NR2C1: variants seen among roughly 807,000 people sequenced by gnomAD.
NR2C1 encodes the protein nuclear receptor subfamily 2 group C member 1, also known as TR2 nuclear hormone receptor.
NR2C1 carries 33 observed loss-of-function variants against 74.8 expected under a neutral mutation model. The ratio of observed to expected loss-of-function variants is 0.44; its 90% CI spans 0.33 to 0.59. NR2C1 has a LOEUF of 0.59. NR2C1 is among the 20% of genes least tolerant of loss of function. The pLI is 0.02. For missense variants in NR2C1, 568 were observed against 715.6 expected (o/e 0.79, Z 2.35); for synonymous variants, 225 against 240.6 (o/e 0.94, Z 0.60).
Position 95,050,457 on chromosome 12 carries a change from C to T in NR2C1, c.966-1224G>A, listed in dbSNP as rs376929589. On this transcript the variant is annotated intron_variant, in intron 8 of 13. Transcript: ENST00000333003. The stretch of plus-strand genomic sequence containing the variant: ...CCAAGTAGCTGGGATTACAGGCATG[C>T]GCCACCACACCCAGCTAATTTTTTC... Among the ~76,000 whole-genome samples, 138 of 152,014 alleles carry T rather than the reference C, an allele frequency of 9.1e-4. 1 individual carries two copies. Among genetic ancestry groups the T allele is most frequent in the African/African-American group, 2.9e-3 (122 of 41,448 alleles).
intron 10 of NR2C1, among the ~76,000 whole-genome samples, chr12:95,035,498 C>CACAA (rs1339412063): frequency 6.6e-6 from 1 of 152,044 alleles, no homozygotes; most frequent in East Asian, 1.9e-4. Context: ...TGCTATGCAT[C>CACAA]TTGTAGTAAG....
chr12:95,056,419 A>G (rs1381523342), intron 7 of NR2C1, among the ~76,000 whole-genome samples: 4 of 152,184 alleles, frequency 2.6e-5, no homozygotes, highest in Non-Finnish European at 5.9e-5. Context: ...TAAATAAACA[A>G]ACTGTTTTTC....
At chr12:95,052,721 A>G (rs542617406) in intron 7 of NR2C1, among the ~76,000 whole-genome samples, 8 of 151,792 alleles carry the variant, frequency 5.3e-5, no homozygotes, top group Non-Finnish European at 7.4e-5. Flanking sequence ...CCTGAGTACA[A>G]TTTCTAAAAC....
intron 9 of NR2C1, among the ~76,000 whole-genome samples, chr12:95,043,951 A>C (rs1871955523): frequency 7.0e-6 from 1 of 142,136 alleles, no homozygotes; most frequent in South Asian, 2.1e-4. Flanking sequence ...ATGCTCAATA[A>C]AACTCTAGTA....
intron 9 of NR2C1, among the ~76,000 whole-genome samples, chr12:95,041,395 T>C (rs1042312916): frequency 9.2e-5 from 14 of 152,098 alleles, no homozygotes; most frequent in Non-Finnish European, 1.9e-4. Context: ...GGCAGGGGAA[T>C]TGCTTGAACC....
intron 13 of NR2C1, among the ~76,000 whole-genome samples, chr12:95,023,091 A>C (rs1592715992): frequency 6.6e-6 from 1 of 152,154 alleles, no homozygotes. Context: ...CAGGAGTTCG[A>C]GACCAGCCTG....
chr12:95,056,819 T>C (rs998599346), intron 7 of NR2C1, among the ~76,000 whole-genome samples: 13 of 151,516 alleles, frequency 8.6e-5, no homozygotes, highest in African/African-American at 2.4e-4. Flanking sequence ...ATTAGCTGGG[T>C]GTGGTGGCAG....
chr12:95,022,528 A>G, intron 13 of NR2C1, 125 bp from the exon 14 acceptor site: 2 of 830,400 alleles, frequency 2.4e-6, no homozygotes, highest in Non-Finnish European at 3.8e-6. Context: ...AAAAGTTAAA[A>G]TCAAAACTTT....
intron 11 of NR2C1, 132 bp downstream of exon 11, chr12:95,031,213 TTATC>T: frequency 1.4e-6 from 1 of 722,054 alleles, no homozygotes. Context: ...ATTGTAAAAA[TTATC>T]TAAAGTAAGA....
At chr12:95,068,049 T>G (rs1344954336) in intron 1 of NR2C1, among the ~76,000 whole-genome samples, 1 of 152,050 alleles carries the variant, frequency 6.6e-6, no homozygotes, top group Non-Finnish European at 1.5e-5. Context: ...AGCTAATTTT[T>G]TTGTATTTTT....
At chr12:95,069,271 G>C (rs762400045) in intron 1 of NR2C1, among the ~76,000 whole-genome samples, 1 of 152,134 alleles carries the variant, frequency 6.6e-6, no homozygotes, top group Non-Finnish European at 1.5e-5. Context: ...TAAACTATTT[G>C]TTTATCTGAA....
chr12:95,056,219 C>G (rs1323354337), intron 7 of NR2C1, among the ~76,000 whole-genome samples: 1 of 152,074 alleles, frequency 6.6e-6, no homozygotes, highest in African/African-American at 2.4e-5. Flanking sequence ...CAAGCCATTA[C>G]TGTGCCACCA....
At position 95,051,896 on chromosome 12, in the gene NR2C1, T is replaced by G; in HGVS notation, c.831A>C (p.Thr277=). The G allele has an allele frequency of 6.2e-7, 1 of 1,610,070 alleles. No homozygotes were observed. Among genetic ancestry groups the G allele is most frequent in the Non-Finnish European group, 8.5e-7 (1 of 1,179,106 alleles). The part of the protein sequence containing the change: ...GDLSTLANVV[T]SLANLGKTKD... Reference sequence around the variant, plus strand: ...TAGTTTTTCCAAGATTCGCTAATGATGTAACCACATTGGCCAATGTACTTA... The same window carrying G: ...TAGTTTTTCCAAGATTCGCTAATGAGGTAACCACATTGGCCAATGTACTTA... Residue 277 remains threonine (T), a synonymous_variant, in exon 8 of 14, where the codon ACA becomes ACC. Coordinates refer to ENST00000333003, the MANE Select transcript of NR2C1 (RefSeq NM_003297.4).
chr12:95,045,273 T>G (rs1256307181), intron 9 of NR2C1, among the ~76,000 whole-genome samples: 1 of 152,180 alleles, frequency 6.6e-6, no homozygotes, highest in Non-Finnish European at 1.5e-5. Context: ...TGAGAAACCA[T>G]GAGCAGCTGG....
chr12:95,064,506 T>C (rs1364353606), intron 2 of NR2C1, among the ~76,000 whole-genome samples: 1 of 152,096 alleles, frequency 6.6e-6, no homozygotes, highest in Non-Finnish European at 1.5e-5. Flanking sequence ...CTTATTTATA[T>C]ATTATTTATT....
intron 11 of NR2C1, chr12:95,030,351 A>ATAATAAAAACAGATATT (rs1332687255): frequency 1.2e-6 from 1 of 803,412 alleles, no homozygotes; most frequent in African/African-American, 1.8e-5. Context: ...CAAGACTACT[A>ATAATAAAAACAGATATT]TAATAAAAAC....
chr12:95,029,937 T>C (rs1869859561), intron 11 of NR2C1, among the ~76,000 whole-genome samples: 1 of 152,064 alleles, frequency 6.6e-6, no homozygotes, highest in Non-Finnish European at 1.5e-5. Flanking sequence ...GGTGCCATCA[T>C]AGCTCACTGC....
chr12:95,059,750 G>C (rs1874464473), intron 4 of NR2C1, among the ~76,000 whole-genome samples, 156 bp downstream of exon 4: 1 of 151,916 alleles, frequency 6.6e-6, no homozygotes, highest in Non-Finnish European at 1.5e-5. Context: ...AAATGTTATA[G>C]GCTACAAATA....
chr12:95,072,351 G>A (rs1876785635), intron 1 of NR2C1, among the ~76,000 whole-genome samples: 1 of 151,150 alleles, frequency 6.6e-6, no homozygotes, highest in African/African-American at 2.4e-5. Flanking sequence ...CTACTCGGGA[G>A]GCTGAGACAG....
Sources: allele counts gnomAD v4.1 joint callset (sites outside exome capture counted in the v4.1 genomes callset), GRCh38; gene constraint gnomAD v4.1.1; transcripts MANE v1.5; gene names NCBI Gene and HGNC (gene_info 2026-07-23, HGNC 2026-07-21).